Variants in VPS13B observed in about 807,000 individuals in gnomAD.
The protein encoded by VPS13B is intermembrane lipid transfer protein VPS13B.
A neutral mutation model predicts 426.4 loss-of-function variants in VPS13B; 285 were observed. The observed-to-expected ratio is 0.67, with a 90% CI of 0.61 to 0.74. VPS13B has a LOEUF of 0.74. Among genes scored for constraint, VPS13B ranks in the 30% least tolerant of loss-of-function variants. The pLI is 0.00. For synonymous variants in VPS13B, 1,676 were observed against 1,676.4 expected (o/e 1.00, Z 0.01); for missense variants, 4,537 against 4,782.6 (o/e 0.95, Z 1.51).
chr8:99,429,038 C>A (rs573932018), intron 21 of VPS13B, among the ~76,000 whole-genome samples: 2 of 152,186 alleles, frequency 1.3e-5, no homozygotes, highest in Non-Finnish European at 2.9e-5. Flanking sequence ...GGACAAAAAA[C>A]CAAACACAGC....
Position 99,857,224 on chromosome 8 carries a change from G to C in VPS13B, c.10868-2080G>C, listed in dbSNP as rs1816592684. Among the ~76,000 whole-genome samples, 3 of 152,204 alleles carry C rather than the reference G, an allele frequency of 2.0e-5. No individual in the cohort carries two copies. In the South Asian group the frequency reaches 6.2e-4, roughly 31 times the overall value. On this transcript the variant is annotated intron_variant, in intron 56 of 61. Coordinates refer to ENST00000357162, the MANE Select transcript of VPS13B (RefSeq NM_152564.5). The stretch of plus-strand genomic sequence containing the variant: ...GGGTTCCAACCCCACGACAGGGGAG[G>C]ACCTGCCACTGGCAGGAGCAAGAGG...
chr8:99,750,251 A>G (rs1193336047), intron 39 of VPS13B, among the ~76,000 whole-genome samples: 1 of 152,016 alleles, frequency 6.6e-6, no homozygotes, highest in Non-Finnish European at 1.5e-5. Flanking sequence ...TTGTGAATTT[A>G]TGTTACTTTT....
chr8:99,724,508 C>G (rs1343195734), intron 39 of VPS13B, among the ~76,000 whole-genome samples: 1 of 152,050 alleles, frequency 6.6e-6, no homozygotes, highest in African/African-American at 2.4e-5. Flanking sequence ...CTCCCCACCC[C>G]CCGCCTTATT....
At chr8:99,556,778 A>T in intron 31 of VPS13B, 125 bp downstream of exon 31, 2 of 1,048,032 alleles carry the variant, frequency 1.9e-6, no homozygotes, top group Non-Finnish European at 2.9e-6. Flanking sequence ...TTTCATTATA[A>T]GCATAAAAAA....
chr8:99,822,917 G>T (rs765249495), intron 50 of VPS13B, among the ~76,000 whole-genome samples: 1 of 152,150 alleles, frequency 6.6e-6, no homozygotes, highest in Non-Finnish European at 1.5e-5. Flanking sequence ...AAGTGTAAAA[G>T]ATTAATAGCA....
chr8:99,208,424 A>G (rs1298580931), intron 17 of VPS13B, among the ~76,000 whole-genome samples: 2 of 152,086 alleles, frequency 1.3e-5, no homozygotes, highest in East Asian at 1.9e-4. Flanking sequence ...GTAATATTTC[A>G]TAATTTAAAA....
At chr8:99,433,674 T>C (rs1157715810) in intron 22 of VPS13B, among the ~76,000 whole-genome samples, 1 of 152,162 alleles carries the variant, frequency 6.6e-6, no homozygotes, top group African/African-American at 2.4e-5. Context: ...AGTAATGAAG[T>C]ATATCAGAAA....
chr8:99,355,081 T>A (rs867453414), intron 19 of VPS13B, among the ~76,000 whole-genome samples: 1 of 152,324 alleles, frequency 6.6e-6, no homozygotes, highest in Middle Eastern at 3.4e-3. Flanking sequence ...CCATTATTTG[T>A]TGGAGAATAT....
chr8:99,122,565 A>G (rs772596777), intron 8 of VPS13B, among the ~76,000 whole-genome samples: 3 of 152,082 alleles, frequency 2.0e-5, no homozygotes, highest in African/African-American at 4.8e-5. Context: ...TTCCTCTCAC[A>G]TATAACCCAA....
At chr8:99,353,182 C>T (rs1811990208) in intron 19 of VPS13B, among the ~76,000 whole-genome samples, 1 of 152,040 alleles carries the variant, frequency 6.6e-6, no homozygotes, top group African/African-American at 2.4e-5. Flanking sequence ...CAAGGTTCTA[C>T]CATGTTGGCC....
chr8:99,691,951 A>T lies in VPS13B; in HGVS notation c.6047-7574A>T, dbSNP rs1831689751. ...AAGATCAAAAGAGACAAAGAAGGCC[A>T]TTACAGAATGGTAAAGGGATCAATT... On this transcript the variant is annotated intron_variant, in intron 35 of 61. Transcript: ENST00000357162. 1.3e-5 allele frequency among the ~76,000 whole-genome samples: 2 copies of T among 152,140 alleles called. 1 individual carries two copies. The highest frequency in any genetic ancestry group is 4.2e-4 in the South Asian group (2 of 4,812).
intron 43 of VPS13B, among the ~76,000 whole-genome samples, chr8:99,801,089 C>T (rs893173222): frequency 7.9e-5 from 12 of 152,170 alleles, no homozygotes; most frequent in East Asian, 3.8e-4. Flanking sequence ...TTGTCTCTCA[C>T]GTATCAATCC....
At chr8:99,129,337 A>G (rs373373553) in intron 8 of VPS13B, among the ~76,000 whole-genome samples, 2,021 of 151,864 alleles carry the variant, frequency 0.013, 28 homozygotes, top group South Asian at 0.056. Flanking sequence ...ATATGTTGTC[A>G]GTTTTTTTAA....
At chr8:99,728,988 C>T (rs1188748326) in intron 39 of VPS13B, among the ~76,000 whole-genome samples, 1 of 151,762 alleles carries the variant, frequency 6.6e-6, no homozygotes, top group Non-Finnish European at 1.5e-5. Flanking sequence ...TCCCTTTCTT[C>T]TTAGGCCACC....
chr8:99,345,453 T>C (rs1221355951), intron 19 of VPS13B, among the ~76,000 whole-genome samples: 1 of 152,220 alleles, frequency 6.6e-6, no homozygotes, highest in Non-Finnish European at 1.5e-5. Context: ...CCGTGGGCTA[T>C]ATAAAGGAAT....
At chr8:99,814,223 G>A (rs2130801024) in intron 44 of VPS13B, among the ~76,000 whole-genome samples, 1 of 152,248 alleles carries the variant, frequency 6.6e-6, no homozygotes, top group East Asian at 1.9e-4. Context: ...AAAATTGATG[G>A]TTACAGAGAA....
intron 35 of VPS13B, chr8:99,697,090 G>A: frequency 1.9e-6 from 1 of 530,902 alleles, no homozygotes; most frequent in Non-Finnish European, 3.5e-6. Flanking sequence ...TGTCCCAGAC[G>A]ATGTACCTCC....
chr8:99,323,981 C>T (rs945675283), intron 19 of VPS13B, among the ~76,000 whole-genome samples: 1 of 152,108 alleles, frequency 6.6e-6, no homozygotes, highest in Non-Finnish European at 1.5e-5. Flanking sequence ...GGACTCCCAG[C>T]GTGGAATGTT....
chr8:99,558,261 G>T (rs146860018), intron 31 of VPS13B, among the ~76,000 whole-genome samples: 99 of 152,146 alleles, frequency 6.5e-4, no homozygotes, highest in African/African-American at 2.3e-3. Flanking sequence ...GATAAATAAT[G>T]TATCAAAAAC....
Sources: gnomAD v4.1 joint callset for allele counts (sites outside exome capture counted in the v4.1 genomes callset) on GRCh38, gnomAD v4.1.1 for gene constraint, MANE v1.5 for transcripts, NCBI Gene and HGNC (gene_info 2026-07-23, HGNC 2026-07-21) for gene names.